Variants in ATXN7L2 observed in about 807,000 individuals in gnomAD.
ATXN7L2 encodes ataxin 7 like 2.
Under a neutral mutation model 59.6 loss-of-function variants are expected in ATXN7L2, and 17 were observed. The observed-to-expected ratio is 0.29, with a 90% CI of 0.20 to 0.43. The LOEUF (loss-of-function observed/expected upper bound fraction) is 0.43. Among genes scored for constraint, ATXN7L2 ranks in the 20% least tolerant of loss-of-function variants. The probability of loss-of-function intolerance (pLI) is 1.00; values close to 1 mark genes in which losing one functional copy is unlikely to be tolerated. For missense variants in ATXN7L2, 858 were observed against 1,008.9 expected, an observed-to-expected ratio of 0.85 and a Z score of 2.03; for synonymous variants, 378 against 392.5, an observed-to-expected ratio of 0.96 and a Z score of 0.44.
chr1:109,486,235 C>A lies in ATXN7L2; in HGVS notation c.193+113C>A. 6.9e-7 allele frequency: 1 copy of A among 1,444,274 alleles called. No homozygotes were observed. The highest frequency in any genetic ancestry group is 2.4e-5 in the East Asian group (1 of 41,266). 89.5% of individuals were successfully genotyped at this position (1,444,274 alleles called of 1,614,324 possible). On this transcript the variant is annotated intron_variant, in intron 2 of 10. Coordinates refer to ENST00000683729, the MANE Select transcript of ATXN7L2 (RefSeq NM_001350175.2). The surrounding 1 kb of genome is among the most constrained non-coding windows in gnomAD (Gnocchi z 4.3). ...CTTGAAGCAGCTGTCTGGGGACCCT[C>A]ATTTTGATAGGTCCGAGTCGGCCGG...
intron 8 of ATXN7L2, 33 bp from the exon 9 acceptor site, chr1:109,490,238 C>T: frequency 1.9e-6 from 3 of 1,610,654 alleles, no homozygotes; most frequent in Middle Eastern, 1.7e-4. Flanking sequence ...CACCCCAGAC[C>T]CTGCCAACCA....
intron 7 of ATXN7L2, 89 bp downstream of exon 7, chr1:109,489,189 C>T: frequency 6.8e-7 from 1 of 1,476,270 alleles, no homozygotes; most frequent in South Asian, 1.3e-5. Context: ...AGGGAGTGTC[C>T]TGGAAGAGGC....
chr1:109,489,291 C>A, intron 7 of ATXN7L2, 191 bp downstream of exon 7: 2 of 685,068 alleles, frequency 2.9e-6, no homozygotes, highest in Non-Finnish European at 4.8e-6. Context: ...AGGCATACCA[C>A]AGCACCCCAG....
intron 5 of ATXN7L2, 75 bp downstream of exon 5, chr1:109,487,879 T>G (rs1167180025): frequency 6.7e-7 from 1 of 1,484,456 alleles, no homozygotes; most frequent in Non-Finnish European, 9.0e-7. Context: ...TTGGGCTGGA[T>G]GAGGAGGAGG....
chr1:109,484,824 G>C (rs567501769), intron 1 of ATXN7L2, among the ~76,000 whole-genome samples: 1 of 152,348 alleles, frequency 6.6e-6, no homozygotes, highest in South Asian at 2.1e-4. Context: ...CCCTGAAGAA[G>C]TTTGCAAGTG....
Position 109,487,177 on chromosome 1 carries a change from G to A in ATXN7L2, c.469G>A (p.Gly157Ser), listed in dbSNP as rs1426535144. 6.3e-7 allele frequency: 1 copy of A among 1,592,878 alleles called. No homozygotes were observed. ...REKGQGSRSR[G>S]HQPPEKTQKD... is the part of the protein sequence containing the mutation. The stretch of plus-strand genomic sequence containing the variant: ...GAAGGGCCAGGGGTCCCGGAGCCGT[G>A]GCCACCAGCCTCCTGAGAAGACCCA... Residue 157 changes from glycine (G) to serine (S), a missense_variant, in exon 4 of 11, where the codon GGC (glycine) becomes AGC (serine). By Grantham distance (56) the Gly-to-Ser change is moderately conservative (BLOSUM62 0). Transcript: ENST00000683729.
In ATXN7L2 at chr1:109,491,038, C is replaced by T. The variant is rs2101038210; in HGVS notation, c.1571C>T (p.Pro524Leu). 2 of 1,613,750 alleles carry T rather than the reference C, an allele frequency of 1.2e-6. No individual in the cohort carries two copies. Among genetic ancestry groups the T allele is most frequent in the East Asian group, 2.2e-5 (1 of 44,888 alleles). ...CPRLPGPTLR[P>L]ACPASMPPTK... ...CGCCTTCCAGGTCCAACCCTGAGAC[C>T]TGCCTGCCCAGCCTCCATGCCCCCC... The change falls in exon 10 of 11, where the codon CCT becomes CTT. Residue 524 changes from proline (P) to leucine (L), a missense_variant. Transcript: ENST00000683729. This position sits in a 1 kb window ranked among gnomAD's most constrained non-coding sequence, Gnocchi z 4.1.
rs1557873874 is a variant in ATXN7L2, at chr1:109,491,263, C to T, written c.1796C>T (p.Ala599Val). ...SKGKDGVEVEAPSRKRKLSPG... is the reference protein window; with the variant it reads ...SKGKDGVEVEVPSRKRKLSPG... ...GGCAAGGACGGGGTGGAGGTGGAGG[C>T]CCCTTCTCGAAAGCGGAAGTTATCC... The change falls in exon 10 of 11, where the codon GCC becomes GTC. Residue 599 changes from alanine to valine, a missense_variant. Physicochemically the swap from Ala to Val is moderately conservative, Grantham distance 64. Around this residue, in one of 3 missense-constraint regions of ATXN7L2, gnomAD observed 734 missense variants for 862.3 expected, o/e 0.85. Coordinates refer to ENST00000683729, the MANE Select transcript of ATXN7L2 (RefSeq NM_001350175.2). This position sits in a 1 kb window ranked among gnomAD's most constrained non-coding sequence, Gnocchi z 4.1. 6.2e-7 allele frequency: 1 copy of T among 1,614,114 alleles called. No homozygotes were observed. The highest frequency in any genetic ancestry group is 1.7e-5 in the Admixed American group (1 of 60,010).
Position 109,488,575 on chromosome 1 carries a change from G to A in ATXN7L2, c.879+110G>A. ...TTACTGAAGGTCCAGCTTAAGGGAG[G>A]GCAGTTAGGCCCACCCAAGGGAAGG... On this transcript the variant is annotated intron_variant, in intron 6 of 10. Transcript: ENST00000683729. The surrounding 1 kb of genome is among the most constrained non-coding windows in gnomAD (Gnocchi z 5.0). 7.9e-7 allele frequency: 1 copy of A among 1,271,400 alleles called. No individual in the cohort carries two copies. The highest frequency in any genetic ancestry group is 1.1e-6 in the Non-Finnish European group (1 of 908,572). 78.8% of individuals were successfully genotyped at this position (1,271,400 alleles called of 1,614,324 possible).
At chr1:109,487,467 G>A (rs1038671459) in intron 4 of ATXN7L2, 51 bp from the exon 5 acceptor site, 39 of 1,445,766 alleles carry the variant, frequency 2.7e-5, no homozygotes, top group African/African-American at 1.4e-5. Flanking sequence ...CCAGGCCCCA[G>A]GCCTCGCCTC....
chr1:109,488,774 A>G lies in ATXN7L2; in HGVS notation c.880-73A>G, dbSNP rs1656780775. On this transcript the variant is annotated intron_variant, in intron 6 of 10. Transcript: ENST00000683729. This position sits in a 1 kb window ranked among gnomAD's most constrained non-coding sequence, Gnocchi z 5.0. Reference sequence around the variant, plus strand: ...CCCTGCCCCCCAACTTGCCCGGGCCAAAGCACCCTGCCGTCCCTCACCCCT... The same window carrying G: ...CCCTGCCCCCCAACTTGCCCGGGCCGAAGCACCCTGCCGTCCCTCACCCCT... The G allele has an allele frequency of 6.5e-7, 1 of 1,535,424 alleles. No homozygotes were observed. The highest frequency in any genetic ancestry group is 1.4e-5 in the African/African-American group (1 of 72,822).
intron 1 of ATXN7L2, 84 bp from the exon 2 acceptor site, chr1:109,485,971 TTC>T (rs1656555676): frequency 7.0e-7 from 1 of 1,428,456 alleles, no homozygotes; most frequent in East Asian, 2.6e-5. Flanking sequence ...CTGGGTTGTC[TTC>T]TGGGAAGAAC....
intron 10 of ATXN7L2, among the ~76,000 whole-genome samples, chr1:109,492,312 T>C (rs572101448): frequency 1.3e-5 from 2 of 152,276 alleles, no homozygotes; most frequent in South Asian, 4.1e-4. Flanking sequence ...GTGCTCTCCA[T>C]ATGATCTCTG....
Position 109,488,450 on chromosome 1 carries a change from C to T in ATXN7L2, c.864C>T (p.Arg288=), listed in dbSNP as rs369423678. The change falls in exon 6 of 11, where the codon CGC becomes CGT. Residue 288 remains arginine, a synonymous_variant. Coordinates refer to ENST00000683729, the MANE Select transcript of ATXN7L2 (RefSeq NM_001350175.2). The surrounding 1 kb of genome is among the most constrained non-coding windows in gnomAD (Gnocchi z 5.0). The part of the protein sequence containing the change: ...INPETKKICT[R]LLTCKIHSVH... ...CAGAGACCAAAAAGATCTGTACCCG[C>T]CTGTTGACCTGCAAGGTAACCCCCT... is the stretch of plus-strand genomic sequence containing the variant. The T allele has an allele frequency of 1.4e-5, 22 of 1,608,752 alleles. No individual in the cohort carries two copies. The highest frequency in any genetic ancestry group is 1.9e-5 in the Non-Finnish European group (22 of 1,176,988).
chr1:109,485,964 G>A, intron 1 of ATXN7L2, 93 bp from the exon 2 acceptor site: 2 of 1,415,580 alleles, frequency 1.4e-6, no homozygotes, highest in Admixed American at 5.5e-5. Context: ...ACAACCTCTG[G>A]GTTGTCTTCT....
intron 8 of ATXN7L2, 46 bp from the exon 9 acceptor site, chr1:109,490,225 G>A (rs754754909): frequency 4.1e-5 from 66 of 1,605,288 alleles, no homozygotes; most frequent in Non-Finnish European, 5.4e-5. Context: ...GATGCTGTCT[G>A]TGCACCCCAG....
chr1:109,485,985 G>A, intron 1 of ATXN7L2, 72 bp from the exon 2 acceptor site: 1 of 1,446,112 alleles, frequency 6.9e-7, no homozygotes, highest in Non-Finnish European at 9.1e-7. Flanking sequence ...GGGAAGAACA[G>A]TCTCTGGTAA....
In ATXN7L2 at chr1:109,486,003, C is replaced by G; in HGVS notation, c.128-54C>G. ...AAGAACAGTCTCTGGTAAGGAGAGG[C>G]TGGAGACTCTCTAAAACTGGCCCTG... On this transcript the variant is annotated intron_variant, in intron 1 of 10. Transcript: ENST00000683729. The surrounding 1 kb of genome is among the most constrained non-coding windows in gnomAD (Gnocchi z 4.3). The G allele has an allele frequency of 1.3e-6, 2 of 1,493,338 alleles. No individual in the cohort carries two copies. The highest frequency in any genetic ancestry group is 1.4e-5 in the South Asian group (1 of 71,036). The allele number at this position is 1,493,338 out of a possible 1,614,324, so 92.5% of individuals were successfully genotyped here. A position where few individuals can be genotyped will look rare whatever the true frequency, so the allele number is the denominator to read the frequency against.
intron 5 of ATXN7L2, 84 bp downstream of exon 5, chr1:109,487,888 G>C: frequency 2.1e-6 from 3 of 1,462,240 alleles, no homozygotes; most frequent in East Asian, 4.9e-5. Context: ...ATGAGGAGGA[G>C]GTCAGGTTTA....
Sources: allele counts gnomAD v4.1 joint callset (sites outside exome capture counted in the v4.1 genomes callset), GRCh38; gene constraint gnomAD v4.1.1; regional missense constraint gnomAD v4.1.1; non-coding constraint Gnocchi (gnomAD v3.1); transcripts MANE v1.5; gene names NCBI Gene and HGNC (gene_info 2026-07-23, HGNC 2026-07-21).